ACTR3C: variants seen among roughly 807,000 people sequenced by gnomAD.
The protein encoded by ACTR3C is actin related protein 3C.
In ACTR3C, 18 loss-of-function variants were observed where a neutral mutation model predicts 26.3. That is an observed-to-expected ratio of 0.68 (90% CI 0.47 to 1.01). The LOEUF (loss-of-function observed/expected upper bound fraction) is 1.01. ACTR3C is among the 50% of genes least tolerant of loss of function. The probability of loss-of-function intolerance (pLI) is 0.00; values close to 1 mark genes in which losing one functional copy is unlikely to be tolerated. For missense variants in ACTR3C, 184 were observed against 250.7 expected, an observed-to-expected ratio of 0.73 and a Z score of 1.80; for synonymous variants, 55 against 94.5, an observed-to-expected ratio of 0.58 and a Z score of 2.42.
At chr7:149,997,226 T>G in the ACTR3C span, among the ~76,000 whole-genome samples, 1 of 151,496 alleles carries the variant, frequency 6.6e-6, no homozygotes, top group Admixed American at 6.6e-5. Context: ...TCCAGCTGGC[T>G]GTGGTGGTTC....
chr7:149,897,755 G>A, the ACTR3C span, among the ~76,000 whole-genome samples: 1 of 152,198 alleles, frequency 6.6e-6, no homozygotes, highest in Non-Finnish European at 1.5e-5. Flanking sequence ...GCCCATGCCT[G>A]TAATCCCAGC....
chr7:149,989,669 C>A, the ACTR3C span, among the ~76,000 whole-genome samples: 1 of 152,208 alleles, frequency 6.6e-6, no homozygotes, highest in Non-Finnish European at 1.5e-5. Flanking sequence ...CGTTTCTTAT[C>A]CATTCATCTG....
chr7:149,907,866 T>C, the ACTR3C span, among the ~76,000 whole-genome samples: 2 of 152,204 alleles, frequency 1.3e-5, no homozygotes, highest in South Asian at 2.1e-4. Context: ...CAGCATGGAA[T>C]GATCGGGTTC....
the ACTR3C span, among the ~76,000 whole-genome samples, chr7:149,928,184 GCTTT>G: frequency 6.7e-6 from 1 of 148,778 alleles, no homozygotes; most frequent in South Asian, 2.1e-4. Flanking sequence ...AGATATCCTT[GCTTT>G]CTTTTTTTCT....
the ACTR3C span, among the ~76,000 whole-genome samples, chr7:150,181,482 G>A: frequency 6.6e-6 from 1 of 150,644 alleles, no homozygotes; most frequent in African/African-American, 2.5e-5. Context: ...CCAGGTACTC[G>A]GGTGGCTGAA....
At chr7:150,120,449 A>G in the ACTR3C span, among the ~76,000 whole-genome samples, 2 of 152,212 alleles carry the variant, frequency 1.3e-5, no homozygotes, top group Non-Finnish European at 2.9e-5. Flanking sequence ...AGAGAATATT[A>G]TAAACACCTC....
chr7:150,117,185 G>A, the ACTR3C span, among the ~76,000 whole-genome samples: 2 of 152,254 alleles, frequency 1.3e-5, no homozygotes, highest in African/African-American at 4.8e-5. Flanking sequence ...CTAGCTGGAG[G>A]AGTTTTTTAT....
At chr7:150,139,025 T>C in the ACTR3C span, among the ~76,000 whole-genome samples, 2 of 152,268 alleles carry the variant, frequency 1.3e-5, no homozygotes, top group African/African-American at 2.4e-5. Context: ...GATTCTATAT[T>C]ATGGGGAGTT....
intron 6 of ACTR3C, among the ~76,000 whole-genome samples, chr7:150,267,259 C>T (rs144247555): frequency 3.2e-4 from 49 of 152,380 alleles, no homozygotes; most frequent in Non-Finnish European, 6.3e-4. Context: ...CTGCGGCTCA[C>T]GCTCCACGGT....
At chr7:149,959,539 C>T in the ACTR3C span, among the ~76,000 whole-genome samples, 1 of 152,086 alleles carries the variant, frequency 6.6e-6, no homozygotes, top group South Asian at 2.1e-4. Context: ...AAGGCATGTA[C>T]AGGCAGTGGA....
the ACTR3C span, among the ~76,000 whole-genome samples, chr7:150,161,503 TG>T: frequency 6.6e-6 from 1 of 151,992 alleles, no homozygotes. Context: ...CTGAGAATGA[TG>T]GTTTCCAGCT....
intron 1 of ACTR3C, among the ~76,000 whole-genome samples, chr7:150,317,340 A>G (rs1263309338): frequency 6.6e-6 from 1 of 152,212 alleles, no homozygotes; most frequent in African/African-American, 2.4e-5. Context: ...GGTGTAGGCC[A>G]CTGCGCCCAG....
the ACTR3C span, among the ~76,000 whole-genome samples, chr7:150,095,963 C>T: frequency 6.0e-5 from 9 of 148,936 alleles, no homozygotes; most frequent in African/African-American, 1.0e-4. Context: ...GTTATAGGGA[C>T]GTGGAGAAAT....
At chr7:149,958,333 C>A in the ACTR3C span, among the ~76,000 whole-genome samples, 1 of 152,118 alleles carries the variant, frequency 6.6e-6, no homozygotes, top group Admixed American at 6.5e-5. Context: ...CAAAGAGTTC[C>A]AGTGACGATC....
chr7:150,158,345 G>A, the ACTR3C span, among the ~76,000 whole-genome samples: 1 of 151,540 alleles, frequency 6.6e-6, no homozygotes, highest in Non-Finnish European at 1.5e-5. Flanking sequence ...TCCACTTCTG[G>A]GTGTACGTTA....
the ACTR3C span, among the ~76,000 whole-genome samples, chr7:149,967,768 C>T: frequency 1.3e-5 from 2 of 152,292 alleles, no homozygotes; most frequent in Admixed American, 6.5e-5. Context: ...TCCTGACCAG[C>T]TTCTATAATC....
the ACTR3C span, among the ~76,000 whole-genome samples, chr7:150,229,139 A>C: frequency 1.5e-4 from 23 of 152,204 alleles, no homozygotes; most frequent in Non-Finnish European, 2.6e-4. Context: ...AAAAAAAGAC[A>C]GTTTTTATTC....
the ACTR3C span, among the ~76,000 whole-genome samples, chr7:149,911,759 C>T: frequency 6.6e-5 from 10 of 151,818 alleles, no homozygotes; most frequent in East Asian, 1.3e-3. Flanking sequence ...ATATCATTTT[C>T]GTATTTTGAG....
At chr7:149,940,650 T>A in the ACTR3C span, among the ~76,000 whole-genome samples, 4 of 150,556 alleles carry the variant, frequency 2.7e-5, no homozygotes, top group South Asian at 6.5e-4. Context: ...TGGGACCCAG[T>A]CTCACAGCAT....
Sources: allele counts gnomAD v4.1 joint callset (sites outside exome capture counted in the v4.1 genomes callset), GRCh38; gene constraint gnomAD v4.1.1; transcripts MANE v1.5; gene names NCBI Gene and HGNC (gene_info 2026-07-23, HGNC 2026-07-21).